The following SIGLEC15 variants were observed in gnomAD, a reference collection of about 807,000 sequenced individuals.
SIGLEC15 encodes the protein sialic acid binding Ig like lectin 15.
Under a neutral mutation model 26.2 loss-of-function variants are expected in SIGLEC15, and 31 were observed. That is an observed-to-expected ratio of 1.18 (90% CI 0.89 to 1.60). The LOEUF (loss-of-function observed/expected upper bound fraction) is 1.60, where lower values mean the gene tolerates loss of function less well. Among genes scored for constraint, SIGLEC15 ranks in the 40% most tolerant of loss-of-function variants. SIGLEC15 has a pLI of 0.00. For synonymous variants in SIGLEC15, 207 were observed against 221.9 expected, an observed-to-expected ratio of 0.93 and a Z score of 0.60; for missense variants, 501 against 488.4, an observed-to-expected ratio of 1.03 and a Z score of -0.24.
chr18:45,837,170 G>A, intron 2 of SIGLEC15, 82 bp downstream of exon 2: 1 of 1,575,630 alleles, frequency 6.3e-7, no homozygotes, highest in East Asian at 2.3e-5. Context: ...TTTCCACAGG[G>A]CAGGTTTTGA....
Position 45,842,462 on chromosome 18 carries a change from T to G in SIGLEC15, c.*275T>G. Reference sequence around the variant, plus strand: ...GTGTGTGAGAGAGAGAGAGAGAGAGTACACGCATTAGCTTGAGCGTGAAAC... The same window carrying G: ...GTGTGTGAGAGAGAGAGAGAGAGAGGACACGCATTAGCTTGAGCGTGAAAC... On this transcript the variant is annotated 3_prime_UTR_variant, in exon 6 of 6. Coordinates refer to ENST00000389474, the MANE Select transcript of SIGLEC15 (RefSeq NM_213602.3). The G allele has an allele frequency of 1.2e-3, 387 of 332,910 alleles. No homozygotes were observed. Among genetic ancestry groups the G allele is most frequent in the East Asian group, 2.5e-3 (39 of 15,484 alleles). 20.6% of individuals were successfully genotyped at this position (332,910 alleles called of 1,614,324 possible).
chr18:45,842,462 T>A lies in SIGLEC15; in HGVS notation c.*275T>A, dbSNP rs2048334001. On this transcript the variant is annotated 3_prime_UTR_variant, in exon 6 of 6. Transcript: ENST00000389474. ...GTGTGTGAGAGAGAGAGAGAGAGAG[T>A]ACACGCATTAGCTTGAGCGTGAAAC... is the stretch of plus-strand genomic sequence containing the variant. The A allele has an allele frequency of 3.0e-6, 1 of 333,222 alleles. No individual in the cohort carries two copies. Among genetic ancestry groups the A allele is most frequent in the African/African-American group, 2.3e-5 (1 of 42,630 alleles). 20.6% of individuals were successfully genotyped at this position (333,222 alleles called of 1,614,324 possible). A position where few individuals can be genotyped will look rare whatever the true frequency, so the allele number is the denominator to read the frequency against.
chr18:45,838,929 G>A lies in SIGLEC15; in HGVS notation c.708G>A (p.Thr236=), dbSNP rs1416517766. ...LPALTHDGRY[T]CTAANSLGRS... ...CACTGACCCATGACGGCCGCTACAC[G>A]TGTACGGCCGCCAACAGCCTGGGCC... Residue 236 remains threonine (T), a synonymous_variant, in exon 4 of 6, where the codon ACG becomes ACA. Transcript: ENST00000389474. 15 of 1,604,362 alleles carry A rather than the reference G, an allele frequency of 9.3e-6. No individual in the cohort carries two copies. In the Middle Eastern group the frequency reaches 8.2e-4, roughly 88 times the overall value.
chr18:45,825,839 C>CTTAG, intron 1 of SIGLEC15, 59 bp downstream of exon 1: 1 of 1,597,872 alleles, frequency 6.3e-7, no homozygotes, highest in South Asian at 1.1e-5. Flanking sequence ...CTGAAAGCAT[C>CTTAG]TTAGGTACAG....
chr18:45,834,640 T>C (rs532568512), intron 1 of SIGLEC15, among the ~76,000 whole-genome samples: 1 of 152,368 alleles, frequency 6.6e-6, no homozygotes, highest in Admixed American at 6.5e-5. Context: ...CAAATCTGTC[T>C]CCTTTTCTAA....
rs768210022 is a variant in SIGLEC15, at chr18:45,825,776, G to T, written c.48G>T (p.Pro16=). The T allele has an allele frequency of 6.8e-6, 11 of 1,614,216 alleles. No homozygotes were observed. Among genetic ancestry groups the T allele is most frequent in the Non-Finnish European group, 8.5e-6 (10 of 1,180,038 alleles). ...TGGCCTGCTTGGCGTGGGTTCTCCC[G>T]ACAGGTGAGTGTCTGCTACTCTCTC... ...WLLACLAWVL[P]TGSFVRTKID... The change falls in exon 1 of 6, where the codon CCG becomes CCT. Residue 16 remains proline (P), a synonymous_variant. Coordinates refer to ENST00000389474, the MANE Select transcript of SIGLEC15 (RefSeq NM_213602.3).
At position 45,838,956 on chromosome 18, in the gene SIGLEC15, C is replaced by A. The variant is rs1281817335; in HGVS notation, c.735C>A (p.Arg245=). ...GTACGGCCGCCAACAGCCTGGGCCG[C>A]TCCGAGGCCAGCGTCTACCTGTTCC... ...YTCTAANSLG[R]SEASVYLFRF... The change falls in exon 4 of 6, where the codon CGC becomes CGA. Residue 245 remains arginine, a synonymous_variant. Transcript: ENST00000389474. 2 of 1,604,928 alleles carry A rather than the reference C, an allele frequency of 1.2e-6. No homozygotes were observed. Among genetic ancestry groups the A allele is most frequent in the Admixed American group, 1.7e-5 (1 of 59,822 alleles).
intron 5 of SIGLEC15, among the ~76,000 whole-genome samples, chr18:45,840,712 G>A (rs1343641626): frequency 6.6e-6 from 1 of 152,210 alleles, no homozygotes; most frequent in East Asian, 1.9e-4. Flanking sequence ...GGTGTTGAAG[G>A]AGAAAGAACT....
At chr18:45,829,211 T>G in intron 1 of SIGLEC15, 1 of 940,042 alleles carries the variant, frequency 1.1e-6, no homozygotes, top group Non-Finnish European at 1.3e-6. Context: ...CACGCCACAG[T>G]CAGCCTGCGG....
chr18:45,836,484 G>T (rs1287741334), intron 1 of SIGLEC15, among the ~76,000 whole-genome samples: 1 of 151,990 alleles, frequency 6.6e-6, no homozygotes, highest in Non-Finnish European at 1.5e-5. Flanking sequence ...TCTGAGGCGC[G>T]CTCCCCTCTC....
At chr18:45,825,913 C>T (rs1210513145) in intron 1 of SIGLEC15, 133 bp downstream of exon 1, 21 of 1,032,028 alleles carry the variant, frequency 2.0e-5, no homozygotes, top group Middle Eastern at 2.0e-4. Context: ...GGAAGAGCTG[C>T]GCTTGGGGCC....
Position 45,842,109 on chromosome 18 carries a change from C to G in SIGLEC15, c.909C>G (p.Ser303=). 1 of 1,614,104 alleles carries G rather than the reference C, an allele frequency of 6.2e-7. No homozygotes were observed. Among genetic ancestry groups the G allele is most frequent in the Non-Finnish European group, 8.5e-7 (1 of 1,179,994 alleles). The part of the protein sequence containing the change: ...HLDTPDTPPR[S]QAQESNYENL... ...TTCAACTTTCTCCTGTCCACAGGTC[C>G]CAGGCCCAGGAGTCCAATTATGAAA... is the stretch of plus-strand genomic sequence containing the variant. The change falls in exon 6 of 6, where the codon TCC becomes TCG. Residue 303 remains serine, a synonymous_variant. Transcript: ENST00000389474.
intron 5 of SIGLEC15, 26 bp from the exon 6 acceptor site, chr18:45,842,080 A>T (rs1568082986): frequency 1.2e-6 from 2 of 1,611,396 alleles, no homozygotes; most frequent in Non-Finnish European, 1.7e-6. Context: ...TGTTTGGATG[A>T]TCATTCAACT....
chr18:45,830,890 G>A (rs192604138), intron 1 of SIGLEC15, among the ~76,000 whole-genome samples: 15 of 152,066 alleles, frequency 9.9e-5, no homozygotes, highest in East Asian at 7.8e-4. Context: ...GAGCCACCGC[G>A]CTTGGCCAGC....
chr18:45,836,013 G>C (rs1830696510), intron 1 of SIGLEC15, among the ~76,000 whole-genome samples: 1 of 152,214 alleles, frequency 6.6e-6, no homozygotes, highest in Admixed American at 6.5e-5. Flanking sequence ...GCGGTCCTGT[G>C]GGCGGCCGGA....
At chr18:45,833,329 T>G (rs141876649) in intron 1 of SIGLEC15, among the ~76,000 whole-genome samples, 10 of 152,252 alleles carry the variant, frequency 6.6e-5, no homozygotes, top group African/African-American at 2.4e-4. Flanking sequence ...ATTATTATTA[T>G]TATTTGAGGC....
chr18:45,835,176 T>C (rs915407561), intron 1 of SIGLEC15, among the ~76,000 whole-genome samples: 20 of 151,546 alleles, frequency 1.3e-4, no homozygotes, highest in Non-Finnish European at 1.5e-4. Flanking sequence ...AAGGGGCAGG[T>C]GAACACAAAG....
intron 2 of SIGLEC15, among the ~76,000 whole-genome samples, 172 bp downstream of exon 2, chr18:45,837,260 G>T (rs2048282853): frequency 6.6e-6 from 1 of 152,244 alleles, no homozygotes; most frequent in African/African-American, 2.4e-5. Context: ...ATAGTCCCAG[G>T]GAAGAGCCGC....
At chr18:45,834,602 G>C (rs1157604534) in intron 1 of SIGLEC15, among the ~76,000 whole-genome samples, 1 of 152,204 alleles carries the variant, frequency 6.6e-6, no homozygotes, top group African/African-American at 2.4e-5. Flanking sequence ...TACGGCATCT[G>C]GCAGACTGTA....
Sources: allele counts gnomAD v4.1 joint callset (sites outside exome capture counted in the v4.1 genomes callset), GRCh38; gene constraint gnomAD v4.1.1; transcripts MANE v1.5; gene names NCBI Gene and HGNC (gene_info 2026-07-23, HGNC 2026-07-21).